Variants in ZNF43 observed in about 807,000 individuals in gnomAD.
The protein encoded by ZNF43 is zinc finger protein 43.
ZNF43 carries 44 observed loss-of-function variants against 68.4 expected under a neutral mutation model. That is an observed-to-expected ratio of 0.64 (90% CI 0.51 to 0.83). The LOEUF (loss-of-function observed/expected upper bound fraction) is 0.83. Among genes scored for constraint, ZNF43 ranks in the 40% least tolerant of loss-of-function variants. The pLI is 0.00. For missense variants in ZNF43, 896 were observed against 933.2 expected, an observed-to-expected ratio of 0.96 and a Z score of 0.52; for synonymous variants, 308 against 307.8, an observed-to-expected ratio of 1.00 and a Z score of -0.01.
intron 1 of ZNF43, among the ~76,000 whole-genome samples, chr19:21,827,685 G>C (rs2038205434): frequency 7.5e-6 from 1 of 133,742 alleles, no homozygotes; most frequent in Non-Finnish European, 1.6e-5. Flanking sequence ...TTTTGAGATG[G>C]AGTTGAGCTT....
At chr19:21,837,502 G>C (rs548647234), upstream of ZNF43, among the ~76,000 whole-genome samples, 22 of 134,860 alleles carry the variant, frequency 1.6e-4, no homozygotes, top group South Asian at 6.7e-4. Flanking sequence ...TCGGCTCACT[G>C]CAACCTCCGC....
intron 3 of ZNF43, 87 bp downstream of exon 3, chr19:21,817,801 C>A (rs2037601492): frequency 3.6e-6 from 5 of 1,372,236 alleles, no homozygotes; most frequent in Non-Finnish European, 5.1e-6. Flanking sequence ...AACACAGCTT[C>A]CCAAGTCACA....
Position 21,807,701 on chromosome 19 carries a change from G to T in ZNF43, c.2336C>A (p.Thr779Lys), listed in dbSNP as rs1228626473. The change falls in exon 4 of 4, where the codon ACA becomes AAA. Residue 779 changes from threonine to lysine, a missense_variant. By Grantham distance (78) the Thr-to-Lys change is moderately conservative. Transcript: ENST00000354959. ...CTCTCCAGTATGAATTTTGTTATGT[G>T]TAGTAAGGTTTGAATATTGGTTGAA... Reference protein sequence around the residue: ...KAFNQYSNLTTHNKIHTGEKL... With the variant: ...KAFNQYSNLTKHNKIHTGEKL... 1 of 1,613,236 alleles carries T rather than the reference G, an allele frequency of 6.2e-7. No individual in the cohort carries two copies. The highest frequency in any genetic ancestry group is 1.1e-5 in the South Asian group (1 of 91,018).
chr19:21,845,959 A>C (rs1327358423), intron 1 of ZNF43, among the ~76,000 whole-genome samples: 1 of 151,884 alleles, frequency 6.6e-6, no homozygotes, highest in South Asian at 2.1e-4. Context: ...TGCTGGGCCC[A>C]GTGATACATC....
chr19:21,819,124 A>G lies in ZNF43; in HGVS notation c.101T>C (p.Leu34Ser). The G allele has an allele frequency of 6.2e-7, 1 of 1,611,946 alleles. No individual in the cohort carries two copies. The change falls in exon 2 of 4, where the codon TTA becomes TCA. Residue 34 changes from leucine to serine, a missense_variant. Leu to Ser is a moderately radical substitution (Grantham distance 145). Coordinates refer to ENST00000354959, the MANE Select transcript of ZNF43 (RefSeq NM_003423.4). The part of the protein sequence containing the change: ...AQQNLYRNVM[L>S]ENYRNLVFLG... ...GAAGACCAGGTTTCTGTAGTTCTCTAACATCACATTCCTATATAAATTCTG... is the reference window on the plus strand; with the variant it reads ...GAAGACCAGGTTTCTGTAGTTCTCTGACATCACATTCCTATATAAATTCTG...
In ZNF43 at chr19:21,809,285, T is replaced by A. The variant is rs1275002228; in HGVS notation, c.752A>T (p.Asn251Ile). 6.2e-7 allele frequency: 1 copy of A among 1,610,578 alleles called. No homozygotes were observed. Among genetic ancestry groups the A allele is most frequent in the Non-Finnish European group, 8.5e-7 (1 of 1,178,472 alleles). Reference sequence around the variant, plus strand: ...TTTGTAGAGTTTGTATCTAGTATAATTTTTTTTATGTGTAGTAAGGCGTGA... The same window carrying A: ...TTTGTAGAGTTTGTATCTAGTATAAATTTTTTTATGTGTAGTAAGGCGTGA... Reference protein sequence around the residue: ...WSSRLTTHKKNYTRYKLYKCE... With the variant: ...WSSRLTTHKKIYTRYKLYKCE... Residue 251 changes from asparagine (N) to isoleucine (I), a missense_variant, in exon 4 of 4, where the codon AAT (asparagine) becomes ATT (isoleucine). Asn to Ile is a moderately radical substitution (Grantham distance 149, BLOSUM62 -3). Transcript: ENST00000354959.
At chr19:21,824,185 AAAAAAAG>A (rs1433250432) in intron 1 of ZNF43, among the ~76,000 whole-genome samples, 2 of 152,096 alleles carry the variant, frequency 1.3e-5, no homozygotes, top group African/African-American at 2.4e-5. Flanking sequence ...ACTCTGTCTC[AAAAAAAG>A]AAAATAGAAC....
intron 1 of ZNF43, chr19:21,851,886 C>G (rs957073476): frequency 1.3e-6 from 2 of 1,571,182 alleles, no homozygotes; most frequent in Non-Finnish European, 1.7e-6. Flanking sequence ...TCTCGGGATG[C>G]CTAACCCCGC....
upstream of ZNF43, chr19:21,841,041 A>G (rs1245221308): frequency 3.3e-5 from 5 of 152,212 alleles, no homozygotes; most frequent in Admixed American, 2.0e-4. Context: ...AACATTTGGT[A>G]GGTTGTGCAT....
chr19:21,832,349 C>T (rs181861281), intron 1 of ZNF43, among the ~76,000 whole-genome samples: 169 of 152,218 alleles, frequency 1.1e-3, no homozygotes, highest in Middle Eastern at 0.01. Flanking sequence ...AAACTGGATG[C>T]TTTTCTTACA....
rs1415502230 is a variant in ZNF43, at chr19:21,817,950, A to C, written c.167T>G (p.Leu56Arg). Reference sequence around the variant, plus strand: ...CTCCCAAGGCTCTTTTTCTTGCTCCAGACAGGTGATCAGGTCTGGCTTAGA... The same window carrying C: ...CTCCCAAGGCTCTTTTTCTTGCTCCCGACAGGTGATCAGGTCTGGCTTAGA... ...AVSKPDLITC[L>R]EQEKEPWEPM... is the part of the protein sequence containing the mutation. Residue 56 changes from leucine (L) to arginine (R), a missense_variant, in exon 3 of 4, where the codon CTG becomes CGG. Leu to Arg is a moderately radical substitution (Grantham distance 102, BLOSUM62 -2). Transcript: ENST00000354959. The C allele has an allele frequency of 6.2e-7, 1 of 1,613,470 alleles. No homozygotes were observed. Among genetic ancestry groups the C allele is most frequent in the Non-Finnish European group, 8.5e-7 (1 of 1,179,576 alleles).
Position 21,804,957 on chromosome 19 carries a change from C to G in ZNF43, c.*2650G>C, listed in dbSNP as rs939336494. On this transcript the variant is annotated 3_prime_UTR_variant, in exon 4 of 4. Coordinates refer to ENST00000354959, the MANE Select transcript of ZNF43 (RefSeq NM_003423.4). ...AATATATACCAATGTTTATTCATGA[C>G]TCAGGAATGTATGGACTTTATTTAT... 1 of 152,084 alleles carries G rather than the reference C, an allele frequency of 6.6e-6. No homozygotes were observed. The highest frequency in any genetic ancestry group is 1.5e-5 in the Non-Finnish European group (1 of 68,014). 9.4% of individuals were successfully genotyped at this position (152,084 alleles called of 1,614,324 possible).
In ZNF43 at chr19:21,807,546, G is replaced by C. The variant is rs1429536142; in HGVS notation, c.*61C>G. The C allele has an allele frequency of 7.1e-6, 10 of 1,413,078 alleles. No homozygotes were observed. The African/African-American group carries it at 8.6e-5, about 12-fold the overall frequency. 87.5% of individuals were successfully genotyped at this position (1,413,078 alleles called of 1,614,324 possible). A position where few individuals can be genotyped will look rare whatever the true frequency, so the allele number is the denominator to read the frequency against. On this transcript the variant is annotated 3_prime_UTR_variant, in exon 4 of 4. Coordinates refer to ENST00000354959, the MANE Select transcript of ZNF43 (RefSeq NM_003423.4). ...AATTATCTTACCTACAATCAAGTGT[G>C]ACAACCATGTAAAGCCTTTATCACA...
chr19:21,840,437 T>C (rs1967444168), upstream of ZNF43: 1 of 152,236 alleles, frequency 6.6e-6, no homozygotes, highest in Non-Finnish European at 1.5e-5. Flanking sequence ...TGAGTCCAAG[T>C]ACACAAGTCA....
At position 21,817,976 on chromosome 19, in the gene ZNF43, G is replaced by A. The variant is rs1364431430; in HGVS notation, c.141C>T (p.Val47=). The A allele has an allele frequency of 1.2e-6, 2 of 1,612,706 alleles. No homozygotes were observed. The highest frequency in any genetic ancestry group is 2.7e-5 in the African/African-American group (2 of 74,852). Residue 47 remains valine, a synonymous_variant, in exon 3 of 4, where the codon GTC becomes GTT. Transcript: ENST00000354959. The stretch of plus-strand genomic sequence containing the variant: ...GACAGGTGATCAGGTCTGGCTTAGA[G>A]ACAGCAATACCTGTTTCAATAAAAA... ...YRNLVFLGIA[V]SKPDLITCLE...
chr19:21,819,584 G>C (rs773023234), intron 1 of ZNF43, among the ~76,000 whole-genome samples: 50 of 152,118 alleles, frequency 3.3e-4, no homozygotes, highest in Non-Finnish European at 6.5e-4. Context: ...AGTTAGAAGG[G>C]ACCTTTAAAA....
At chr19:21,847,533 C>T (rs969618375) in intron 1 of ZNF43, among the ~76,000 whole-genome samples, 1 of 152,038 alleles carries the variant, frequency 6.6e-6, no homozygotes, top group Admixed American at 6.5e-5. Flanking sequence ...CCCATCTCTA[C>T]TAAAAATACA....
At chr19:21,846,119 G>C (rs543438851) in intron 1 of ZNF43, among the ~76,000 whole-genome samples, 2 of 152,108 alleles carry the variant, frequency 1.3e-5, no homozygotes, top group African/African-American at 4.8e-5. Context: ...GTATTTCCTA[G>C]TGCTACTTGT....
intron 1 of ZNF43, chr19:21,851,081 A>G (rs1968319569): frequency 6.6e-6 from 1 of 152,212 alleles, no homozygotes; most frequent in Non-Finnish European, 1.5e-5. Flanking sequence ...GAGAGCCACA[A>G]TTTTGTCTGC....
Sources: allele counts gnomAD v4.1 joint callset (sites outside exome capture counted in the v4.1 genomes callset), GRCh38; gene constraint gnomAD v4.1.1; transcripts MANE v1.5; gene names NCBI Gene and HGNC (gene_info 2026-07-23, HGNC 2026-07-21).